The following RIMS2 variants were observed in gnomAD, a reference collection of about 807,000 sequenced individuals.
RIMS2 encodes regulating synaptic membrane exocytosis protein 2.
RIMS2 carries 59 observed loss-of-function variants against 174.4 expected under a neutral mutation model. That is an observed-to-expected ratio of 0.34 (90% CI 0.27 to 0.42). The LOEUF (loss-of-function observed/expected upper bound fraction) is 0.42, where lower values mean the gene tolerates loss of function less well. RIMS2 is among the 10% of genes least tolerant of loss of function. The pLI, the probability that RIMS2 is intolerant of heterozygous loss-of-function variation, is 1.00. For missense variants in RIMS2, 1,620 were observed against 1,666.3 expected, an observed-to-expected ratio of 0.97 and a Z score of 0.48; for synonymous variants, 606 against 572.5, an observed-to-expected ratio of 1.06 and a Z score of -0.84.
chr8:103,562,610 A>G (rs1305156109), intron 1 of RIMS2, among the ~76,000 whole-genome samples: 1 of 152,106 alleles, frequency 6.6e-6, no homozygotes, highest in Non-Finnish European at 1.5e-5. Flanking sequence ...TTCCAGGTGC[A>G]TGGTGCAAGC....
chr8:103,702,162 A>T (rs959284710), intron 2 of RIMS2, among the ~76,000 whole-genome samples: 2 of 151,970 alleles, frequency 1.3e-5, no homozygotes. Flanking sequence ...TGTGGCTTTA[A>T]TTTGCATTTT....
At chr8:104,076,786 A>G (rs2154562427) in intron 19 of RIMS2, among the ~76,000 whole-genome samples, 1 of 151,288 alleles carries the variant, frequency 6.6e-6, no homozygotes, top group South Asian at 2.1e-4. Context: ...GTGTGTTAAT[A>G]ATAGTACCTA....
chr8:103,645,877 C>T lies in RIMS2; in HGVS notation c.177-51209C>T, dbSNP rs183352379. Among the ~76,000 whole-genome samples the T allele has an allele frequency of 1.1e-4, 16 of 152,102 alleles. No individual in the cohort carries two copies. In the East Asian group the frequency reaches 2.7e-3, roughly 26 times the overall value. ...TTTCATACACGTCCATGTGAAGAGA[C>T]CACCAAACAGGCTTTCTGTGAGCAA... On this transcript the variant is annotated intron_variant, in intron 1 of 23. Coordinates refer to ENST00000504942, the Ensembl canonical transcript of RIMS2.
chr8:103,827,467 T>C (rs1323279184), intron 3 of RIMS2, among the ~76,000 whole-genome samples: 1 of 152,224 alleles, frequency 6.6e-6, no homozygotes, highest in Non-Finnish European at 1.5e-5. Context: ...TATTGCCTTA[T>C]TATAATGCAT....
chr8:104,009,518 A>G (rs553759811), intron 17 of RIMS2, among the ~76,000 whole-genome samples: 3 of 152,054 alleles, frequency 2.0e-5, no homozygotes, highest in African/African-American at 7.2e-5. Context: ...TCTGGTCTCA[A>G]ACACCTAAGC....
chr8:103,880,636 AT>A, intron 3 of RIMS2: 2 of 519,538 alleles, frequency 3.8e-6, no homozygotes, highest in South Asian at 3.2e-5. Flanking sequence ...CTGTTGATGT[AT>A]TTTTGTCAAC....
At chr8:103,866,229 T>C (rs371447696) in intron 3 of RIMS2, among the ~76,000 whole-genome samples, 1 of 152,198 alleles carries the variant, frequency 6.6e-6, no homozygotes, top group Non-Finnish European at 1.5e-5. Flanking sequence ...ACCTTCATAA[T>C]GTAGCAGCAG....
intron 1 of RIMS2, among the ~76,000 whole-genome samples, chr8:103,529,674 G>A (rs1027428893): frequency 1.3e-5 from 2 of 152,192 alleles, no homozygotes; most frequent in East Asian, 1.9e-4. Context: ...GATGAACCCG[G>A]TACCTCAGTT....
intron 19 of RIMS2, among the ~76,000 whole-genome samples, chr8:104,060,864 A>G (rs1399973854): frequency 1.3e-5 from 2 of 152,012 alleles, no homozygotes; most frequent in Non-Finnish European, 1.5e-5. Flanking sequence ...TTCAGTTTCC[A>G]TGTAGTTGAG....
chr8:103,965,534 T>C (rs1296570689), intron 15 of RIMS2, among the ~76,000 whole-genome samples: 1 of 152,176 alleles, frequency 6.6e-6, no homozygotes, highest in Non-Finnish European at 1.5e-5. Flanking sequence ...CTGGAGCTTT[T>C]TGTTTCTTTG....
At chr8:103,753,978 AT>A (rs1447509810) in intron 2 of RIMS2, among the ~76,000 whole-genome samples, 13 of 152,008 alleles carry the variant, frequency 8.6e-5, no homozygotes, top group Admixed American at 8.5e-4. Flanking sequence ...TAGCTTTTGA[AT>A]GTGTTTGCTC....
intron 17 of RIMS2, among the ~76,000 whole-genome samples, chr8:103,998,918 C>T (rs2095262680): frequency 6.6e-6 from 1 of 151,562 alleles, no homozygotes; most frequent in Non-Finnish European, 1.5e-5. Context: ...AGTTACCTGG[C>T]ATATAATAGC....
chr8:104,126,279 T>C (rs761941229), intron 19 of RIMS2, among the ~76,000 whole-genome samples: 10 of 152,036 alleles, frequency 6.6e-5, no homozygotes, highest in Non-Finnish European at 1.0e-4. Context: ...AATGGAAAAA[T>C]AGTTTTTTTA....
At chr8:103,760,176 A>C (rs2098093335) in intron 2 of RIMS2, among the ~76,000 whole-genome samples, 1 of 152,242 alleles carries the variant, frequency 6.6e-6, no homozygotes, top group Non-Finnish European at 1.5e-5. Flanking sequence ...GGAAATGCTT[A>C]AGGTTAAAGC....
chr8:103,845,374 T>A (rs1375962500), intron 3 of RIMS2, among the ~76,000 whole-genome samples: 1 of 152,116 alleles, frequency 6.6e-6, no homozygotes, highest in African/African-American at 2.4e-5. Flanking sequence ...ATTACTACTA[T>A]CCCTACCTGT....
chr8:103,529,020 A>G (rs1462078719), intron 1 of RIMS2, among the ~76,000 whole-genome samples: 1 of 152,200 alleles, frequency 6.6e-6, no homozygotes, highest in Admixed American at 6.5e-5. Flanking sequence ...CTTCCTATCC[A>G]TGAGCATGGA....
intron 1 of RIMS2, among the ~76,000 whole-genome samples, chr8:103,561,420 C>T (rs1203103075): frequency 6.6e-6 from 1 of 152,040 alleles, no homozygotes; most frequent in African/African-American, 2.4e-5. Flanking sequence ...TTATATAGCC[C>T]AATCACTATG....
chr8:103,925,784 T>G (rs191180773), intron 10 of RIMS2, among the ~76,000 whole-genome samples: 4 of 151,666 alleles, frequency 2.6e-5, no homozygotes, highest in Admixed American at 2.6e-4. Flanking sequence ...TACGTAAAGT[T>G]CAGAGTGTTC....
intron 17 of RIMS2, among the ~76,000 whole-genome samples, chr8:103,996,581 T>C (rs2095114684): frequency 1.3e-5 from 2 of 151,942 alleles, no homozygotes; most frequent in African/African-American, 4.8e-5. Flanking sequence ...ACTGCCTCTC[T>C]ACAGAGAAAG....
Sources: allele counts gnomAD v4.1 joint callset (sites outside exome capture counted in the v4.1 genomes callset), GRCh38; gene constraint gnomAD v4.1.1; transcripts MANE v1.5; gene names NCBI Gene and HGNC (gene_info 2026-07-23, HGNC 2026-07-21).